ITGA8: variants seen among roughly 807,000 people sequenced by gnomAD.
ITGA8 encodes the protein integrin subunit alpha 8.
A neutral mutation model predicts 142.3 loss-of-function variants in ITGA8; 91 were observed. The observed-to-expected ratio is 0.64, with a 90% CI of 0.54 to 0.76. ITGA8 has a LOEUF of 0.76. Ranked by LOEUF, ITGA8 falls within the 30% of genes least tolerant of loss-of-function variation. ITGA8 has a pLI of 0.00. For missense variants in ITGA8, 1,406 were observed against 1,327.7 expected, an observed-to-expected ratio of 1.06 and a Z score of -0.92; for synonymous variants, 505 against 485.2, an observed-to-expected ratio of 1.04 and a Z score of -0.54.
chr10:15,699,016 T>TG (rs1835108970), intron 2 of ITGA8, among the ~76,000 whole-genome samples: 1 of 152,210 alleles, frequency 6.6e-6, no homozygotes, highest in African/African-American at 2.4e-5. Flanking sequence ...CTAGGCACAG[T>TG]GGCTCATGCC....
chr10:15,614,150 A>T (rs1043902219), intron 14 of ITGA8, among the ~76,000 whole-genome samples: 3 of 152,184 alleles, frequency 2.0e-5, no homozygotes, highest in African/African-American at 7.2e-5. Flanking sequence ...TCTTACAGCC[A>T]TTCGTATTTG....
intron 12 of ITGA8, among the ~76,000 whole-genome samples, chr10:15,646,375 C>T (rs1015334956): frequency 2.0e-5 from 3 of 152,106 alleles, no homozygotes; most frequent in African/African-American, 7.2e-5. Context: ...TGCCTGTGGC[C>T]TTCCAATGTC....
At chr10:15,524,861 C>G (rs1026669314) in intron 28 of ITGA8, among the ~76,000 whole-genome samples, 1 of 152,088 alleles carries the variant, frequency 6.6e-6, no homozygotes, top group Non-Finnish European at 1.5e-5. Flanking sequence ...TGTCTTACAG[C>G]TCATTTTGAC....
chr10:15,568,829 T>C, intron 25 of ITGA8, among the ~76,000 whole-genome samples: 1 of 152,330 alleles, frequency 6.6e-6, no homozygotes, highest in East Asian at 1.9e-4. Context: ...AAAATCCATT[T>C]GTTAAGTACA....
intron 24 of ITGA8, among the ~76,000 whole-genome samples, chr10:15,575,108 T>C (rs1054940852): frequency 2.0e-5 from 3 of 152,114 alleles, no homozygotes; most frequent in African/African-American, 7.2e-5. Flanking sequence ...CTTGGGTTGA[T>C]GTCCTTTAAA....
intron 2 of ITGA8, among the ~76,000 whole-genome samples, chr10:15,701,857 T>A (rs971792132): frequency 4.6e-5 from 7 of 152,164 alleles, no homozygotes; most frequent in Non-Finnish European, 8.8e-5. Flanking sequence ...GTAGAAGAAA[T>A]CCTTAACCAT....
chr10:15,685,284 T>C (rs1834815108), intron 3 of ITGA8, among the ~76,000 whole-genome samples: 1 of 152,190 alleles, frequency 6.6e-6, no homozygotes. Flanking sequence ...ATAAATGCCC[T>C]CTCCATTCTA....
chr10:15,719,829 G>T lies in ITGA8; in HGVS notation c.-58C>A, dbSNP rs1835531032. ...GGAGCGCGAGCCGAGGACCCCTGCG[G>T]GGCAAGGGGGGCTGGTGGAATCTGG... On this transcript the variant is annotated 5_prime_UTR_variant, in exon 1 of 30. Transcript: ENST00000378076. The T allele has an allele frequency of 4.1e-6, 5 of 1,220,572 alleles. No individual in the cohort carries two copies. In the South Asian group the frequency reaches 1.3e-4, roughly 31 times the overall value. The allele number at this position is 1,220,572 out of a possible 1,614,324, so 75.6% of individuals were successfully genotyped here. A position where few individuals can be genotyped will look rare whatever the true frequency, so the allele number is the denominator to read the frequency against.
chr10:15,644,198 CA>C lies in ITGA8; in HGVS notation c.1230del (p.Phe410LeufsTer20). On this transcript the variant is annotated frameshift_variant, in exon 13 of 30. Transcript: ENST00000378076. LOFTEE classifies it high-confidence loss of function. ...GYNDIAIGVP[F>X]AGKDQRGKVL... ...ACTTTGCCTCTTTGATCCTTGCCTG[CA>C]AAAGGCACTCCGATGGCAATGTCTA... 1 of 1,613,628 alleles carries C rather than the reference CA, an allele frequency of 6.2e-7. No individual in the cohort carries two copies. The highest frequency in any genetic ancestry group is 8.5e-7 in the Non-Finnish European group (1 of 1,179,816).
chr10:15,694,654 ATATAT>A (rs1233587618), intron 2 of ITGA8, among the ~76,000 whole-genome samples: 2 of 102,140 alleles, frequency 2.0e-5, no homozygotes, highest in African/African-American at 3.4e-5. Flanking sequence ...ATATTTTAAT[ATATAT>A]TATATCTATA....
rs1832940064 is a variant in ITGA8 at position 15,515,065 on chromosome 10, A to G, written c.*2093T>C. On this transcript the variant is annotated 3_prime_UTR_variant, in exon 30 of 30. Coordinates refer to ENST00000378076, the MANE Select transcript of ITGA8 (RefSeq NM_003638.3). ...GGGACCTTTTAGGACCCCAAATCCC[A>G]AGGAGCTAATCTCTATTGGTCACAG... 2.6e-5 allele frequency: 4 copies of G among 152,292 alleles called. No homozygotes were observed. The South Asian group carries it at 6.2e-4, about 24-fold the overall frequency. The allele number at this position is 152,292 out of a possible 1,614,324, so 9.4% of individuals were successfully genotyped here. A position where few individuals can be genotyped will look rare whatever the true frequency, so the allele number is the denominator to read the frequency against.
chr10:15,572,208 T>A lies in ITGA8; in HGVS notation c.2637+3A>T. ...AAAGCCACTGATTAGACCAGACTCCTACCTTTATATCCTGTGGATTGATAT... is the reference window on the plus strand; with the variant it reads ...AAAGCCACTGATTAGACCAGACTCCAACCTTTATATCCTGTGGATTGATAT... On this transcript the variant is annotated splice_donor_region_variant and intron_variant, in intron 25 of 29. Coordinates refer to ENST00000378076, the MANE Select transcript of ITGA8 (RefSeq NM_003638.3). 1 of 1,610,716 alleles carries A rather than the reference T, an allele frequency of 6.2e-7. No homozygotes were observed. The highest frequency in any genetic ancestry group is 8.5e-7 in the Non-Finnish European group (1 of 1,178,004).
chr10:15,592,285 A>G lies in ITGA8; in HGVS notation c.2231T>C (p.Phe744Ser), dbSNP rs1358729347. 6.2e-7 allele frequency: 1 copy of G among 1,613,360 alleles called. No individual in the cohort carries two copies. ...TGTTTTCTCAAGACGTGGAACTGCAAATCGGAGGCCCAGGGAATACTAAAA... is the reference window on the plus strand; with the variant it reads ...TGTTTTCTCAAGACGTGGAACTGCAGATCGGAGGCCCAGGGAATACTAAAA... Reference protein sequence around the residue: ...SGTNYSLGLRFAVPRLEKTNM... With the variant: ...SGTNYSLGLRSAVPRLEKTNM... Residue 744 changes from phenylalanine (F) to serine (S), a missense_variant, in exon 22 of 30, where the codon TTT becomes TCT. Physicochemically the swap from Phe to Ser is radical, Grantham distance 155 (BLOSUM62 -2). Transcript: ENST00000378076.
chr10:15,611,437 A>G (rs1833291304), intron 15 of ITGA8: 1 of 152,170 alleles, frequency 6.6e-6, no homozygotes, highest in Admixed American at 6.5e-5. Context: ...TCATGAAAAG[A>G]AAGACATTTT....
chr10:15,696,834 A>C (rs1588732787), intron 2 of ITGA8, among the ~76,000 whole-genome samples: 1 of 148,814 alleles, frequency 6.7e-6, no homozygotes, highest in African/African-American at 2.5e-5. Flanking sequence ...TCCAGCCTGG[A>C]CAACATGGCA....
chr10:15,640,407 A>G (rs904646697), intron 13 of ITGA8, among the ~76,000 whole-genome samples: 1 of 152,176 alleles, frequency 6.6e-6, no homozygotes, highest in Non-Finnish European at 1.5e-5. Flanking sequence ...TCATAATTTG[A>G]AAGGCAAAGT....
chr10:15,587,290 T>G (rs1273994801), intron 22 of ITGA8, among the ~76,000 whole-genome samples: 1 of 152,236 alleles, frequency 6.6e-6, no homozygotes, highest in African/African-American at 2.4e-5. Context: ...AGCTTCTACC[T>G]TTGACAAATT....
chr10:15,550,441 C>T (rs1234955787), intron 26 of ITGA8, among the ~76,000 whole-genome samples: 1 of 152,242 alleles, frequency 6.6e-6, no homozygotes, highest in African/African-American at 2.4e-5. Context: ...CTAACCCTGC[C>T]CTTCAGAGGG....
At chr10:15,719,479 G>C in intron 1 of ITGA8, 84 bp downstream of exon 1, 25 of 1,285,154 alleles carry the variant, frequency 1.9e-5, no homozygotes, top group Non-Finnish European at 2.6e-5. Context: ...CCAGGCTGCG[G>C]GGGGACTCCG....
Sources: gnomAD v4.1 joint callset for allele counts (sites outside exome capture counted in the v4.1 genomes callset) on GRCh38, gnomAD v4.1.1 for gene constraint, MANE v1.5 for transcripts, NCBI Gene and HGNC (gene_info 2026-07-23, HGNC 2026-07-21) for gene names.